ZNF500: variants seen among roughly 807,000 people sequenced by gnomAD.
ZNF500 encodes zinc finger protein with KRAB and SCAN domains 18.
ZNF500 carries 31 observed loss-of-function variants against 30.1 expected under a neutral mutation model. That is an observed-to-expected ratio of 1.03 (90% confidence interval 0.77 to 1.39). The LOEUF (loss-of-function observed/expected upper bound fraction) is 1.39, where lower values mean the gene tolerates loss of function less well. Ranked by LOEUF, ZNF500 falls within the 40% of genes most tolerant of loss-of-function variation. ZNF500 has a pLI of 0.00. For synonymous variants in ZNF500, 392 were observed against 282.0 expected, an observed-to-expected ratio of 1.39 and a Z score of -3.91; for missense variants, 817 against 657.8, an observed-to-expected ratio of 1.24 and a Z score of -2.65.
At chr16:4,759,911 T>G (rs922527807) in intron 5 of ZNF500, among the ~76,000 whole-genome samples, 3 of 152,044 alleles carry the variant, frequency 2.0e-5, no homozygotes, top group Non-Finnish European at 4.4e-5. Flanking sequence ...TGATGGCGAG[T>G]ACCTGTAATC....
intron 2 of ZNF500, chr16:4,763,839 G>C (rs117778632): frequency 1.0e-6 from 1 of 985,420 alleles, no homozygotes; most frequent in African/African-American, 1.7e-5. Flanking sequence ...AGCTCACGCC[G>C]TGGTCAAGCA....
downstream of ZNF500, chr16:4,746,187 C>T: frequency 1.8e-6 from 1 of 569,404 alleles, no homozygotes; most frequent in Non-Finnish European, 3.0e-6. Flanking sequence ...GTTCTGTTGG[C>T]CAGTGGTGGC....
rs755482915 is a variant in ZNF500 at position 4,762,293 on chromosome 16, G to C, written c.641C>G (p.Pro214Arg). 2 of 1,611,670 alleles carry C rather than the reference G, an allele frequency of 1.2e-6. No individual in the cohort carries two copies. Among genetic ancestry groups the C allele is most frequent in the South Asian group, 2.2e-5 (2 of 90,542 alleles). Reference sequence around the variant, plus strand: ...CACCTGGGACCAGGCCGAAAGGAAGGGCGAGGCTGACGCCATCTCCTGATG... The same window carrying C: ...CACCTGGGACCAGGCCGAAAGGAAGCGCGAGGCTGACGCCATCTCCTGATG... Reference protein sequence around the residue: ...PRHQEMASASPFLSAWSQVPV... With the variant: ...PRHQEMASASRFLSAWSQVPV... Residue 214 changes from proline to arginine, a missense_variant, in exon 4 of 6, where the codon CCC becomes CGC. Physicochemically the swap from Pro to Arg is moderately radical, Grantham distance 103. Transcript: ENST00000219478.
At position 4,751,534 on chromosome 16, in the gene ZNF500, T is replaced by C. The variant is rs750864650; in HGVS notation, c.*842A>G. The C allele has an allele frequency of 2.1e-5, 32 of 1,523,776 alleles. No homozygotes were observed. The highest frequency in any genetic ancestry group is 2.6e-5 in the Non-Finnish European group (30 of 1,141,626). 94.4% of individuals were successfully genotyped at this position (1,523,776 alleles called of 1,614,324 possible). On this transcript the variant is annotated 3_prime_UTR_variant, in exon 6 of 6. Coordinates refer to ENST00000219478, the MANE Select transcript of ZNF500 (RefSeq NM_021646.4). ...AATGCTGCAGAGCCCCGGGCTCCAT[T>C]TGGAAACTCTGGCAGGATGAAGAAG...
intron 1 of ZNF500, 57 bp from the exon 2 acceptor site, chr16:4,766,133 T>C (rs532839817): frequency 4.5e-6 from 4 of 897,968 alleles, no homozygotes; most frequent in Non-Finnish European, 6.2e-6. Flanking sequence ...ATAAGCCCTT[T>C]GGCCTGGGAA....
chr16:4,752,330 G>A lies in ZNF500; in HGVS notation c.*46C>T, dbSNP rs1350338667. 11 of 1,442,346 alleles carry A rather than the reference G, an allele frequency of 7.6e-6. No individual in the cohort carries two copies. Among genetic ancestry groups the A allele is most frequent in the African/African-American group, 4.3e-5 (3 of 69,788 alleles). 89.3% of individuals were successfully genotyped at this position (1,442,346 alleles called of 1,614,324 possible). On this transcript the variant is annotated 3_prime_UTR_variant, in exon 6 of 6. Coordinates refer to ENST00000219478, the MANE Select transcript of ZNF500 (RefSeq NM_021646.4). ...GCTGTCTAGCAGTTTCCTGAATTCT[G>A]TGCCCAGGGATGAGAGTCCTGGAAA...
At chr16:4,745,341 C>T (rs896165858), downstream of ZNF500, among the ~76,000 whole-genome samples, 3 of 152,190 alleles carry the variant, frequency 2.0e-5, 1 homozygote, top group Admixed American at 1.3e-4. Context: ...TGTGACCCTG[C>T]CCCTCTGGCC....
rs761078309 is a variant in ZNF500 at position 4,762,758 on chromosome 16, T to C, written c.415-2A>G. On this transcript the variant is annotated splice_acceptor_variant, in intron 2 of 5. Transcript: ENST00000219478. LOFTEE classifies it high-confidence loss of function. ...GTCATCAGAAAGCAGCTCTGAGCCC[T>C]GCACACAGACAGTGATCTCCCCACC... 4 of 1,594,388 alleles carry C rather than the reference T, an allele frequency of 2.5e-6. No homozygotes were observed. Among genetic ancestry groups the C allele is most frequent in the South Asian group, 2.2e-5 (2 of 89,130 alleles).
At chr16:4,762,520 T>C in intron 3 of ZNF500, 53 bp downstream of exon 3, 3 of 1,561,118 alleles carry the variant, frequency 1.9e-6, no homozygotes, top group South Asian at 2.4e-5. Context: ...CCCAGTCACC[T>C]TCACCTCCCT....
At position 4,750,217 on chromosome 16, in the gene ZNF500, TGA is replaced by T. The variant is rs1264689556; in HGVS notation, c.*2157_*2158del. On this transcript the variant is annotated 3_prime_UTR_variant, in exon 6 of 6. Coordinates refer to ENST00000219478, the MANE Select transcript of ZNF500 (RefSeq NM_021646.4). ...ATCTAGCTGGGTACCTCATGCCCCA[TGA>T]GAGATCCCAGAGCTAGTCTAGAAGG... 3.9e-5 allele frequency: 6 copies of T among 152,310 alleles called. No homozygotes were observed. Among genetic ancestry groups the T allele is most frequent in the Admixed American group, 2.0e-4 (3 of 15,274 alleles). 9.4% of individuals were successfully genotyped at this position (152,310 alleles called of 1,614,324 possible).
chr16:4,761,395 G>A (rs929730197), intron 4 of ZNF500, among the ~76,000 whole-genome samples: 3 of 150,824 alleles, frequency 2.0e-5, no homozygotes, highest in Non-Finnish European at 4.4e-5. Flanking sequence ...AGCCGAGATC[G>A]CACCATTGCA....
chr16:4,766,031 C>T lies in ZNF500; in HGVS notation c.-53G>A, dbSNP rs575044619. On this transcript the variant is annotated 5_prime_UTR_variant, in exon 2 of 6. Coordinates refer to ENST00000219478, the MANE Select transcript of ZNF500 (RefSeq NM_021646.4). Reference sequence around the variant, plus strand: ...AGGCCTTAGAGTTGAACCTGTCTCTCTCTATACCTCTGGCCAGACACAGGA... The same window carrying T: ...AGGCCTTAGAGTTGAACCTGTCTCTTTCTATACCTCTGGCCAGACACAGGA... 6.7e-7 allele frequency: 1 copy of T among 1,502,404 alleles called. No homozygotes were observed. The highest frequency in any genetic ancestry group is 2.3e-5 in the East Asian group (1 of 43,984). 93.1% of individuals were successfully genotyped at this position (1,502,404 alleles called of 1,614,324 possible). A position where few individuals can be genotyped will look rare whatever the true frequency, so the allele number is the denominator to read the frequency against.
intron 5 of ZNF500, among the ~76,000 whole-genome samples, chr16:4,757,046 GACC>G (rs2082142394): frequency 6.6e-6 from 1 of 152,094 alleles, no homozygotes; most frequent in South Asian, 2.1e-4. Flanking sequence ...GACAGAGTGA[GACC>G]CTGTCTCAAA....
Position 4,751,782 on chromosome 16 carries a change from C to T in ZNF500, c.*594G>A. On this transcript the variant is annotated 3_prime_UTR_variant, in exon 6 of 6. Coordinates refer to ENST00000219478, the MANE Select transcript of ZNF500 (RefSeq NM_021646.4). ...AAGAGACTGGGCATGGCGGCACACA[C>T]CTGTAACCCCAGCTACTCAGGAGGA... 2.6e-6 allele frequency: 2 copies of T among 763,844 alleles called. No homozygotes were observed. The highest frequency in any genetic ancestry group is 4.3e-6 in the Non-Finnish European group (2 of 463,642). 47.3% of individuals were successfully genotyped at this position (763,844 alleles called of 1,614,324 possible). A position where few individuals can be genotyped will look rare whatever the true frequency, so the allele number is the denominator to read the frequency against.
intron 5 of ZNF500, among the ~76,000 whole-genome samples, chr16:4,757,647 G>T (rs2082150667): frequency 6.6e-6 from 1 of 151,992 alleles, no homozygotes; most frequent in Admixed American, 6.6e-5. Flanking sequence ...CTGTTGCCCA[G>T]ACTGGAGTGC....
rs1228743097 is a variant in ZNF500 at position 4,752,390 on chromosome 16, C to A, written c.1429G>T (p.Gly477Cys). ...TLQPVAPGGPGAKA is the reference protein window; with the variant it reads ...TLQPVAPGGPCAKA ...AGGCCTGGTGATCAGGCTTTGGCAC[C>A]GGGGCCTCCAGGAGCCACCGGCTGG... The change falls in exon 6 of 6, where the codon GGT (glycine) becomes TGT (cysteine). Residue 477 changes from glycine (G) to cysteine (C), a missense_variant. Coordinates refer to ENST00000219478, the MANE Select transcript of ZNF500 (RefSeq NM_021646.4). The A allele has an allele frequency of 2.0e-6, 3 of 1,505,742 alleles. No individual in the cohort carries two copies. In the Admixed American group the frequency reaches 6.6e-5, roughly 33 times the overall value. The allele number at this position is 1,505,742 out of a possible 1,614,324, so 93.3% of individuals were successfully genotyped here. A position where few individuals can be genotyped will look rare whatever the true frequency, so the allele number is the denominator to read the frequency against.
At chr16:4,754,198 G>A (rs191517123) in intron 5 of ZNF500, among the ~76,000 whole-genome samples, 10 of 152,304 alleles carry the variant, frequency 6.6e-5, no homozygotes, top group Non-Finnish European at 1.0e-4. Flanking sequence ...ACCTCACAGG[G>A]GAGGGACAGA....
downstream of ZNF500, chr16:4,746,957 G>C: frequency 6.4e-7 from 1 of 1,552,126 alleles, no homozygotes; most frequent in East Asian, 2.4e-5. Context: ...ACAGTGAGGA[G>C]GAGGAGGAGG....
chr16:4,752,664 C>A lies in ZNF500; in HGVS notation c.1155G>T (p.Glu385Asp). Residue 385 changes from glutamate to aspartate, a missense_variant, in exon 6 of 6, where the codon GAG (glutamate) becomes GAT (aspartate). Transcript: ENST00000219478. ...HTGEKPYPCP[E>D]CGKRFSQSSS... Reference sequence around the variant, plus strand: ...AGCTCTGGCTGAAGCGCTTCCCACACTCGGGGCACGGGTAGGGCTTCTCGC... The same window carrying A: ...AGCTCTGGCTGAAGCGCTTCCCACAATCGGGGCACGGGTAGGGCTTCTCGC... 6.2e-7 allele frequency: 1 copy of A among 1,613,676 alleles called. No homozygotes were observed. The highest frequency in any genetic ancestry group is 8.5e-7 in the Non-Finnish European group (1 of 1,179,860).
Sources: allele counts gnomAD v4.1 joint callset (sites outside exome capture counted in the v4.1 genomes callset), GRCh38; gene constraint gnomAD v4.1.1; transcripts MANE v1.5; gene names NCBI Gene and HGNC (gene_info 2026-07-23, HGNC 2026-07-21).